The following NRG3 variants were observed in gnomAD, a reference collection of about 807,000 sequenced individuals.
NRG3 encodes neuregulin 3, also known as pro-neuregulin-3, membrane-bound isoform.
A neutral mutation model predicts 66.9 loss-of-function variants in NRG3; 31 were observed. That is an observed-to-expected ratio of 0.46 (90% confidence interval 0.35 to 0.63). NRG3 has a LOEUF of 0.63. Among genes scored for constraint, NRG3 ranks in the 20% least tolerant of loss-of-function variants. The pLI, the probability that NRG3 is intolerant of heterozygous loss-of-function variation, is 0.00. For missense variants in NRG3, 910 were observed against 878.9 expected, an observed-to-expected ratio of 1.04 and a Z score of -0.45; for synonymous variants, 393 against 359.4, an observed-to-expected ratio of 1.09 and a Z score of -1.06.
intron 2 of NRG3, among the ~76,000 whole-genome samples, chr10:82,470,038 T>A (rs908107567): frequency 6.6e-6 from 1 of 152,130 alleles, no homozygotes; most frequent in Non-Finnish European, 1.5e-5. Flanking sequence ...AGGGAAGTGC[T>A]GGGGGCCTCT....
intron 2 of NRG3, among the ~76,000 whole-genome samples, chr10:82,432,402 C>T (rs1187744207): frequency 6.6e-6 from 1 of 151,438 alleles, no homozygotes; most frequent in African/African-American, 2.4e-5. Flanking sequence ...CAGTTCCATC[C>T]ATGTTGCTGC....
At chr10:82,499,744 C>A (rs1325884583) in intron 2 of NRG3, among the ~76,000 whole-genome samples, 2 of 151,988 alleles carry the variant, frequency 1.3e-5, no homozygotes, top group Non-Finnish European at 2.9e-5. Flanking sequence ...TTATAAATCA[C>A]CCATAATAGT....
intron 4 of NRG3, among the ~76,000 whole-genome samples, chr10:82,887,000 A>T (rs1374783495): frequency 3.9e-5 from 6 of 152,230 alleles, no homozygotes; most frequent in Non-Finnish European, 8.8e-5. Flanking sequence ...GCATTATCAC[A>T]GAAGCAGTTC....
rs187817828 is a variant in NRG3 at position 81,925,651 on chromosome 10, A to G, written c.823+49488A>G. Among the ~76,000 whole-genome samples, 16 of 152,280 alleles carry G rather than the reference A, an allele frequency of 1.1e-4. No individual in the cohort carries two copies. In the East Asian group the frequency reaches 3.1e-3, roughly 29 times the overall value. On this transcript the variant is annotated intron_variant, in intron 1 of 8. Coordinates refer to ENST00000372141, the MANE Select transcript of NRG3 (RefSeq NM_001010848.4). Reference sequence around the variant, plus strand: ...TACCTTCTGGATTTGAATTAGCTGGATAATTCTTGACTTTGCTCAAGCTTT... The same window carrying G: ...TACCTTCTGGATTTGAATTAGCTGGGTAATTCTTGACTTTGCTCAAGCTTT...
At chr10:82,125,975 G>A (rs2132429245) in intron 1 of NRG3, among the ~76,000 whole-genome samples, 1 of 152,188 alleles carries the variant, frequency 6.6e-6, no homozygotes, top group South Asian at 2.1e-4. Flanking sequence ...AGAAAGACAA[G>A]GTGAAAGATC....
In NRG3 at chr10:82,644,592, A is replaced by G. The variant is rs1454423276; in HGVS notation, c.954-93985A>G. On this transcript the variant is annotated intron_variant, in intron 2 of 8. Transcript: ENST00000372141. ...GTTCAAAGAAGAATCCAAGGAACAG[A>G]TGCATTTATAATTAGCAATATTTAA... Among the ~76,000 whole-genome samples the G allele has an allele frequency of 2.6e-5, 4 of 152,292 alleles. No homozygotes were observed. In the South Asian group the frequency reaches 6.2e-4, roughly 24 times the overall value.
chr10:82,728,485 G>A (rs1343764016), intron 2 of NRG3, among the ~76,000 whole-genome samples: 1 of 152,204 alleles, frequency 6.6e-6, no homozygotes, highest in Non-Finnish European at 1.5e-5. Context: ...ATCCATGTAA[G>A]ATGCGACTTG....
intron 1 of NRG3, among the ~76,000 whole-genome samples, chr10:82,318,822 C>T (rs1385159168): frequency 6.6e-6 from 1 of 152,214 alleles, no homozygotes; most frequent in Non-Finnish European, 1.5e-5. Flanking sequence ...AGGGCAATAT[C>T]TAGTTTGTCT....
chr10:82,673,946 A>C (rs2134061106), intron 2 of NRG3, among the ~76,000 whole-genome samples: 1 of 152,282 alleles, frequency 6.6e-6, no homozygotes, highest in Non-Finnish European at 1.5e-5. Context: ...TGAACCTTGG[A>C]ACTTCAGCAA....
At position 82,738,746 on chromosome 10, in the gene NRG3, T is replaced by C. The variant is rs138339336; in HGVS notation, c.1027+96T>C. The C allele has an allele frequency of 2.4e-3, 2,611 of 1,090,512 alleles. 41 individuals are homozygous for C. The African/African-American group carries it at 0.036, about 15-fold the overall frequency. The allele number at this position is 1,090,512 out of a possible 1,614,324, so 67.6% of individuals were successfully genotyped here. A position where few individuals can be genotyped will look rare whatever the true frequency, so the allele number is the denominator to read the frequency against. ...CTCAGCTGAAAGCTATATTTCAGTCTTGTGTCTCTGAAAGCTGCCAAGGAC... is the reference window on the plus strand; with the variant it reads ...CTCAGCTGAAAGCTATATTTCAGTCCTGTGTCTCTGAAAGCTGCCAAGGAC... On this transcript the variant is annotated intron_variant, in intron 3 of 8. Coordinates refer to ENST00000372141, the MANE Select transcript of NRG3 (RefSeq NM_001010848.4).
chr10:82,415,712 A>G (rs1277097028), intron 2 of NRG3, among the ~76,000 whole-genome samples: 1 of 152,170 alleles, frequency 6.6e-6, no homozygotes, highest in East Asian at 1.9e-4. Flanking sequence ...TCGTTCTGTG[A>G]CAAAGTTTAT....
intron 1 of NRG3, among the ~76,000 whole-genome samples, chr10:82,270,969 A>G (rs999965656): frequency 6.6e-6 from 1 of 152,094 alleles, no homozygotes; most frequent in Non-Finnish European, 1.5e-5. Flanking sequence ...TCATTCCAGG[A>G]TGAGGGTGAG....
At chr10:82,022,487 A>G (rs989139311) in intron 1 of NRG3, among the ~76,000 whole-genome samples, 2 of 152,056 alleles carry the variant, frequency 1.3e-5, no homozygotes, top group Non-Finnish European at 2.9e-5. Flanking sequence ...ATAGTTTGAT[A>G]TTTACTATTG....
chr10:82,043,749 A>C (rs559950024), intron 1 of NRG3, among the ~76,000 whole-genome samples: 1 of 152,014 alleles, frequency 6.6e-6, no homozygotes, highest in South Asian at 2.1e-4. Context: ...AACATAGTTA[A>C]TAGGATCTTG....
At chr10:82,693,159 T>C (rs1298794595) in intron 2 of NRG3, among the ~76,000 whole-genome samples, 1 of 152,214 alleles carries the variant, frequency 6.6e-6, no homozygotes, top group Non-Finnish European at 1.5e-5. Flanking sequence ...ATTTCCCCAA[T>C]CCTATCCCTT....
At position 81,887,628 on chromosome 10, in the gene NRG3, TAGAC is replaced by T. The variant is rs1473498013; in HGVS notation, c.823+11470_823+11473del. On this transcript the variant is annotated intron_variant, in intron 1 of 8. Transcript: ENST00000372141. Reference sequence around the variant, plus strand: ...ATATTAATTTTCAGTGGCTGGAACATAGACAGACTCCAGAGTCCATAGGAGAGTG... The same window carrying T: ...ATATTAATTTTCAGTGGCTGGAACATAGACTCCAGAGTCCATAGGAGAGTG... Among the ~76,000 whole-genome samples, 4 of 152,194 alleles carry T rather than the reference TAGAC, an allele frequency of 2.6e-5. No individual in the cohort carries two copies. The East Asian group carries it at 5.8e-4, about 22-fold the overall frequency.
intron 2 of NRG3, among the ~76,000 whole-genome samples, chr10:82,492,756 T>A: frequency 6.6e-6 from 1 of 152,220 alleles, no homozygotes; most frequent in African/African-American, 2.4e-5. Flanking sequence ...TAAAATTACA[T>A]GCAAATGTTG....
chr10:82,933,760 TG>T (rs1847802377), intron 4 of NRG3, among the ~76,000 whole-genome samples: 1 of 152,196 alleles, frequency 6.6e-6, no homozygotes, highest in Non-Finnish European at 1.5e-5. Context: ...TCTTTTGTGT[TG>T]GAAAGGAGAT....
chr10:82,529,348 G>C (rs1156431648), intron 2 of NRG3, among the ~76,000 whole-genome samples: 1 of 152,170 alleles, frequency 6.6e-6, no homozygotes, highest in African/African-American at 2.4e-5. Flanking sequence ...TACAGCAACT[G>C]GGAGAGGAGT....
Sources: gnomAD v4.1 joint callset for allele counts (sites outside exome capture counted in the v4.1 genomes callset) on GRCh38, gnomAD v4.1.1 for gene constraint, MANE v1.5 for transcripts, NCBI Gene and HGNC (gene_info 2026-07-23, HGNC 2026-07-21) for gene names.